The following ZNF420 variants were observed in gnomAD, a reference collection of about 807,000 sequenced individuals.
ZNF420 encodes zinc finger protein 420.
ZNF420 carries 31 observed loss-of-function variants against 44.7 expected under a neutral mutation model. That is an observed-to-expected ratio of 0.69 (90% CI 0.52 to 0.94). The LOEUF (loss-of-function observed/expected upper bound fraction) is 0.94, where lower values mean the gene tolerates loss of function less well. ZNF420 is among the 40% of genes least tolerant of loss of function. The probability of loss-of-function intolerance (pLI) is 0.00; values close to 1 mark genes in which losing one functional copy is unlikely to be tolerated. For synonymous variants in ZNF420, 245 were observed against 267.4 expected, an observed-to-expected ratio of 0.92 and a Z score of 0.82; for missense variants, 681 against 827.9, an observed-to-expected ratio of 0.82 and a Z score of 2.18.
intron 1 of ZNF420, among the ~76,000 whole-genome samples, chr19:37,067,504 TTAGA>T (rs139055130): frequency 0.013 from 2,008 of 152,302 alleles, 45 homozygotes; most frequent in African/African-American, 0.045. Flanking sequence ...ATTATAGTAC[TTAGA>T]TAGCGAATGT....
chr19:37,130,137 A>G lies in ZNF420; in HGVS notation c.*1079A>G, dbSNP rs1365821157. The G allele has an allele frequency of 3.9e-6, 6 of 1,550,420 alleles. No homozygotes were observed. Among genetic ancestry groups the G allele is most frequent in the Non-Finnish European group, 5.2e-6 (6 of 1,146,936 alleles). ...TTTTTTCCGTGCCTACAATGTGGAC[A>G]TCTAAGCTGGAGCTCCGTTACTCTC... On this transcript the variant is annotated 3_prime_UTR_variant, in exon 5 of 5. Coordinates refer to ENST00000337995, the MANE Select transcript of ZNF420 (RefSeq NM_144689.5).
At position 37,118,849 on chromosome 19, in the gene ZNF420, A is replaced by C. The variant is rs1048464078; in HGVS notation, c.137-8279A>C. ...TCTCTGATAAAACAGACTTTAAACC[A>C]ACAAAGATCAAAAGAGACAAAGAAG... On this transcript the variant is annotated intron_variant, in intron 4 of 4. Coordinates refer to ENST00000337995, the MANE Select transcript of ZNF420 (RefSeq NM_144689.5). Among the ~76,000 whole-genome samples the C allele has an allele frequency of 6.6e-5, 10 of 152,064 alleles. 1 individual carries two copies. The highest frequency in any genetic ancestry group is 6.6e-4 in the Admixed American group (10 of 15,208).
At chr19:37,056,158 CA>C (rs1438982018) in intron 1 of ZNF420, among the ~76,000 whole-genome samples, 3 of 151,658 alleles carry the variant, frequency 2.0e-5, no homozygotes, top group Admixed American at 2.0e-4. Context: ...GGGCTGGGTA[CA>C]GGGGAGGCTG....
At chr19:37,039,812 C>T (rs527598011) in intron 1 of ZNF420, among the ~76,000 whole-genome samples, 8 of 152,126 alleles carry the variant, frequency 5.3e-5, no homozygotes, top group African/African-American at 1.7e-4. Flanking sequence ...GTGATCCTCC[C>T]ACCTCAGCCT....
At chr19:37,011,700 C>G (rs1000718589) in intron 1 of ZNF420, among the ~76,000 whole-genome samples, 3 of 152,144 alleles carry the variant, frequency 2.0e-5, no homozygotes, top group East Asian at 1.9e-4. Flanking sequence ...CCTGTGCCCC[C>G]CTTCCACCAG....
intron 1 of ZNF420, among the ~76,000 whole-genome samples, chr19:37,019,469 A>G (rs978019902): frequency 6.6e-6 from 1 of 152,210 alleles, no homozygotes; most frequent in African/African-American, 2.4e-5. Flanking sequence ...CAGCATGGCA[A>G]TTCCTTAAAA....
intron 1 of ZNF420, among the ~76,000 whole-genome samples, chr19:37,043,678 G>C (rs1316498067): frequency 6.6e-6 from 1 of 152,072 alleles, no homozygotes; most frequent in East Asian, 1.9e-4. Context: ...TCACCATGTT[G>C]GTCAGTCTGG....
chr19:37,050,077 C>A (rs1169900153), intron 1 of ZNF420, among the ~76,000 whole-genome samples: 1 of 152,030 alleles, frequency 6.6e-6, no homozygotes, highest in Non-Finnish European at 1.5e-5. Flanking sequence ...TGGTCTATAT[C>A]TCTGTTTTGG....
chr19:37,091,992 T>G (rs764218847), intron 4 of ZNF420: 1 of 152,154 alleles, frequency 6.6e-6, no homozygotes, highest in Admixed American at 6.5e-5. Flanking sequence ...TCATCTTTTA[T>G]TGTAAAATAG....
intron 1 of ZNF420, among the ~76,000 whole-genome samples, chr19:37,064,947 G>C (rs138554444): frequency 6.6e-6 from 1 of 152,210 alleles, no homozygotes; most frequent in African/African-American, 2.4e-5. Context: ...CATCACAATC[G>C]TAGAGGCTGC....
intron 4 of ZNF420, among the ~76,000 whole-genome samples, chr19:37,123,430 A>C (rs949471521): frequency 6.6e-6 from 1 of 151,916 alleles, no homozygotes; most frequent in African/African-American, 2.4e-5. Context: ...TTTGTGGGTG[A>C]AGGCCTTGTC....
intron 4 of ZNF420, chr19:37,107,380 G>A (rs1970151996): frequency 6.6e-6 from 1 of 152,150 alleles, no homozygotes; most frequent in African/African-American, 2.4e-5. Context: ...CTGCCTTCAA[G>A]CACTTTTTTT....
At chr19:37,062,476 A>G (rs1311680834) in intron 1 of ZNF420, among the ~76,000 whole-genome samples, 1 of 152,176 alleles carries the variant, frequency 6.6e-6, no homozygotes, top group Non-Finnish European at 1.5e-5. Flanking sequence ...TATGAAAGAC[A>G]GTGCAAACTA....
chr19:37,111,214 T>G (rs1166754813), intron 4 of ZNF420, among the ~76,000 whole-genome samples: 1 of 102,316 alleles, frequency 9.8e-6, no homozygotes, highest in Non-Finnish European at 2.0e-5. Flanking sequence ...AAGGGATCTA[T>G]TCTATTTATT....
At chr19:37,123,309 T>G (rs1324167291) in intron 4 of ZNF420, among the ~76,000 whole-genome samples, 1 of 152,190 alleles carries the variant, frequency 6.6e-6, no homozygotes, top group Admixed American at 6.5e-5. Context: ...TAAAAGTCGA[T>G]TTTTTAAAGA....
chr19:37,105,741 G>C (rs961549233), intron 4 of ZNF420, among the ~76,000 whole-genome samples: 9 of 152,104 alleles, frequency 5.9e-5, no homozygotes, highest in African/African-American at 2.2e-4. Context: ...TCCTTGAAGA[G>C]GTCCTTCACA....
intron 1 of ZNF420, among the ~76,000 whole-genome samples, chr19:37,063,666 T>G (rs553117633): frequency 6.6e-6 from 1 of 151,856 alleles, no homozygotes; most frequent in African/African-American, 2.4e-5. Flanking sequence ...AAATATCATA[T>G]CCTCCTGAAC....
intron 4 of ZNF420, among the ~76,000 whole-genome samples, chr19:37,117,737 C>T (rs545912246): frequency 9.9e-5 from 15 of 152,044 alleles, no homozygotes; most frequent in African/African-American, 1.9e-4. Context: ...AAAAATTATA[C>T]GTATGTATAA....
chr19:37,051,352 G>A (rs902732203), intron 1 of ZNF420, among the ~76,000 whole-genome samples: 5 of 152,126 alleles, frequency 3.3e-5, no homozygotes, highest in Non-Finnish European at 5.9e-5. Context: ...TCTGGTCCTG[G>A]ACTTTTTTTG....
Sources: allele counts gnomAD v4.1 joint callset (sites outside exome capture counted in the v4.1 genomes callset), GRCh38; gene constraint gnomAD v4.1.1; transcripts MANE v1.5; gene names NCBI Gene and HGNC (gene_info 2026-07-23, HGNC 2026-07-21).